NR2C1: variants seen among roughly 807,000 people sequenced by gnomAD.
The protein encoded by NR2C1 is TR2 nuclear hormone receptor.
In NR2C1, 33 loss-of-function variants were observed where a neutral mutation model predicts 74.8. The observed-to-expected ratio is 0.44, with a 90% CI of 0.33 to 0.59. The LOEUF (loss-of-function observed/expected upper bound fraction) is 0.59. Ranked by LOEUF, NR2C1 falls within the 20% of genes least tolerant of loss-of-function variation. The pLI is 0.02. For synonymous variants in NR2C1, 225 were observed against 240.6 expected, an observed-to-expected ratio of 0.94 and a Z score of 0.60; for missense variants, 568 against 715.6, an observed-to-expected ratio of 0.79 and a Z score of 2.35.
chr12:95,068,762 C>T (rs1216956581), intron 1 of NR2C1, among the ~76,000 whole-genome samples: 1 of 151,400 alleles, frequency 6.6e-6, no homozygotes, highest in East Asian at 1.9e-4. Context: ...CCATTGCACT[C>T]CAGTCTGGGC....
At chr12:95,036,629 GC>G (rs1316454253) in intron 10 of NR2C1, among the ~76,000 whole-genome samples, 7 of 151,548 alleles carry the variant, frequency 4.6e-5, no homozygotes, top group African/African-American at 1.7e-4. Flanking sequence ...TCCTGCCTCA[GC>G]CTCCTGCGTA....
At chr12:95,071,810 G>A (rs1876668424) in intron 1 of NR2C1, among the ~76,000 whole-genome samples, 1 of 149,862 alleles carries the variant, frequency 6.7e-6, no homozygotes, top group African/African-American at 2.5e-5. Context: ...GTGCAATGGC[G>A]CGATCTCAGC....
Position 95,059,918 on chromosome 12 carries a change from C to T in NR2C1, c.352G>A (p.Asp118Asn). 1 of 1,580,016 alleles carries T rather than the reference C, an allele frequency of 6.3e-7. No homozygotes were observed. Among genetic ancestry groups the T allele is most frequent in the Non-Finnish European group, 8.6e-7 (1 of 1,169,524 alleles). Residue 118 changes from aspartate to asparagine, a missense_variant, in exon 4 of 14, where the codon GAC becomes AAC. Coordinates refer to ENST00000333003, the MANE Select transcript of NR2C1 (RefSeq NM_003297.4). ...TTCTTAATGTTACCTGATGCTTTGT[C>T]TCCACATACTACGCAAAGATCAAAA... ...KVFDLCVVCGDKASGRHYGAV... is the reference protein window; with the variant it reads ...KVFDLCVVCGNKASGRHYGAV...
intron 12 of NR2C1, among the ~76,000 whole-genome samples, chr12:95,026,034 C>T (rs1869318642): frequency 6.6e-6 from 1 of 151,402 alleles, no homozygotes; most frequent in African/African-American, 2.4e-5. Context: ...GGTGAAACCC[C>T]GTCTCTACTA....
rs142740762 is a variant in NR2C1 at position 95,058,112 on chromosome 12, G to A, written c.544+198C>T. On this transcript the variant is annotated intron_variant, in intron 5 of 13. Coordinates refer to ENST00000333003, the MANE Select transcript of NR2C1 (RefSeq NM_003297.4). ...TTTGCCAAACACAAACTACAAATAC[G>A]TGCTTTTTACACAGGTATTCAATAA... 665 of 650,438 alleles carry A rather than the reference G, an allele frequency of 1.0e-3. 2 individuals carry two copies. Among genetic ancestry groups the A allele is most frequent in the African/African-American group, 5.9e-3 (325 of 54,904 alleles). 40.3% of individuals were successfully genotyped at this position (650,438 alleles called of 1,614,324 possible). A position where few individuals can be genotyped will look rare whatever the true frequency, so the allele number is the denominator to read the frequency against.
chr12:95,072,479 A>G (rs986590919), intron 1 of NR2C1, among the ~76,000 whole-genome samples: 1 of 151,454 alleles, frequency 6.6e-6, no homozygotes, highest in Non-Finnish European at 1.5e-5. Context: ...AAAAAAGAAA[A>G]AAAAATCGAG....
intron 7 of NR2C1, among the ~76,000 whole-genome samples, chr12:95,057,230 G>C (rs372004749): frequency 1.4e-5 from 2 of 148,140 alleles, no homozygotes; most frequent in African/African-American, 5.0e-5. Flanking sequence ...TCAGCCTCCC[G>C]AGTAGCTGGG....
intron 10 of NR2C1, among the ~76,000 whole-genome samples, chr12:95,037,751 C>T (rs1040210237): frequency 3.3e-5 from 5 of 151,888 alleles, no homozygotes; most frequent in Admixed American, 1.3e-4. Flanking sequence ...AAAAATTAGC[C>T]GGGTGTGGTT....
At chr12:95,034,695 C>T (rs1328334064) in intron 10 of NR2C1, among the ~76,000 whole-genome samples, 2 of 152,154 alleles carry the variant, frequency 1.3e-5, no homozygotes, top group Non-Finnish European at 2.9e-5. Flanking sequence ...ATGGACACTT[C>T]TCTATGTTTA....
intron 3 of NR2C1, among the ~76,000 whole-genome samples, chr12:95,062,114 C>T (rs757179816): frequency 1.3e-5 from 2 of 152,314 alleles, no homozygotes; most frequent in Middle Eastern, 3.4e-3. Context: ...CCTGATTTGA[C>T]AATTTCCTAA....
chr12:95,025,689 C>T (rs1335171342), intron 12 of NR2C1, among the ~76,000 whole-genome samples: 1 of 143,744 alleles, frequency 7.0e-6, no homozygotes, highest in African/African-American at 2.6e-5. Context: ...AAAAGTGTGG[C>T]TCATTCATTC....
At chr12:95,071,587 C>T (rs183141619) in intron 1 of NR2C1, among the ~76,000 whole-genome samples, 259 of 152,150 alleles carry the variant, frequency 1.7e-3, no homozygotes, top group Middle Eastern at 6.8e-3. Flanking sequence ...ATTCCAGCTA[C>T]TCAACAGGCT....
chr12:95,045,243 A>G (rs1872159990), intron 9 of NR2C1, among the ~76,000 whole-genome samples: 1 of 152,224 alleles, frequency 6.6e-6, no homozygotes, highest in Non-Finnish European at 1.5e-5. Context: ...GAAAAGGGCT[A>G]AGAAAGCTAA....
chr12:95,032,036 T>G (rs1472633395), intron 10 of NR2C1, among the ~76,000 whole-genome samples: 1 of 152,088 alleles, frequency 6.6e-6, no homozygotes, highest in Non-Finnish European at 1.5e-5. Context: ...TGTGGCTAAT[T>G]TTTGTATTTT....
At chr12:95,056,201 G>A (rs1783952877) in intron 7 of NR2C1, among the ~76,000 whole-genome samples, 1 of 152,036 alleles carries the variant, frequency 6.6e-6, no homozygotes, top group Admixed American at 6.6e-5. Flanking sequence ...GAGAGGACGA[G>A]GCTGCAGCAA....
chr12:95,042,055 C>A (rs768422049), intron 9 of NR2C1, among the ~76,000 whole-genome samples: 7 of 151,616 alleles, frequency 4.6e-5, no homozygotes, highest in Non-Finnish European at 8.8e-5. Context: ...AATAGATGAC[C>A]CAATTTATGT....
At chr12:95,034,512 A>G (rs1256066536) in intron 10 of NR2C1, among the ~76,000 whole-genome samples, 5 of 152,210 alleles carry the variant, frequency 3.3e-5, no homozygotes. Flanking sequence ...ATCTTTTCAG[A>G]GAACAGTTTG....
chr12:95,034,027 T>C (rs1355061155), intron 10 of NR2C1, among the ~76,000 whole-genome samples: 1 of 152,208 alleles, frequency 6.6e-6, no homozygotes, highest in African/African-American at 2.4e-5. Context: ...TGAATGGTAC[T>C]TATATATTTT....
At position 95,062,862 on chromosome 12, in the gene NR2C1, C is replaced by T. The variant is rs1875007101; in HGVS notation, c.55-124G>A. 7.2e-6 allele frequency: 5 copies of T among 691,334 alleles called. No individual in the cohort carries two copies. The East Asian group carries it at 8.1e-5, about 11-fold the overall frequency. The allele number at this position is 691,334 out of a possible 1,614,324, so 42.8% of individuals were successfully genotyped here. A position where few individuals can be genotyped will look rare whatever the true frequency, so the allele number is the denominator to read the frequency against. On this transcript the variant is annotated intron_variant, in intron 2 of 13. Transcript: ENST00000333003. ...AACACACACGTACCTTTTAAACTAC[C>T]GATTCTATTGCCACAAAATTCTATC...
Sources: allele counts gnomAD v4.1 joint callset (sites outside exome capture counted in the v4.1 genomes callset), GRCh38; gene constraint gnomAD v4.1.1; transcripts MANE v1.5; gene names NCBI Gene and HGNC (gene_info 2026-07-23, HGNC 2026-07-21).